The following EIF2B3 variants were observed in gnomAD, a reference collection of about 807,000 sequenced individuals.
The protein encoded by EIF2B3 is translation initiation factor eIF2B subunit gamma.
Under a neutral mutation model 54.1 loss-of-function variants are expected in EIF2B3, and 20 were observed. The ratio of observed to expected loss-of-function variants is 0.37; its 90% CI spans 0.26 to 0.54. The LOEUF is 0.54. EIF2B3 is among the 20% of genes least tolerant of loss of function. EIF2B3 has a pLI of 0.86. For missense variants in EIF2B3, 448 were observed against 547.8 expected, an observed-to-expected ratio of 0.82 and a Z score of 1.82; for synonymous variants, 153 against 188.1, an observed-to-expected ratio of 0.81 and a Z score of 1.52.
chr1:44,861,792 G>A (rs1015342326), intron 10 of EIF2B3, among the ~76,000 whole-genome samples: 1 of 152,180 alleles, frequency 6.6e-6, no homozygotes, highest in Non-Finnish European at 1.5e-5. Flanking sequence ...CCTGGTAAGT[G>A]GATCTGTGGA....
chr1:44,981,954 A>C (rs1263485763), intron 1 of EIF2B3, among the ~76,000 whole-genome samples: 1 of 151,538 alleles, frequency 6.6e-6, no homozygotes, highest in Non-Finnish European at 1.5e-5. Flanking sequence ...AAAAAAAAAA[A>C]AAAAAAAGAG....
intron 5 of EIF2B3, among the ~76,000 whole-genome samples, chr1:44,908,520 A>G (rs1048162506): frequency 6.6e-6 from 1 of 152,250 alleles, no homozygotes; most frequent in South Asian, 2.1e-4. Flanking sequence ...AGACATTACA[A>G]GGAATGCAGA....
At chr1:44,887,320 G>C (rs372767672) in intron 6 of EIF2B3, among the ~76,000 whole-genome samples, 1 of 152,118 alleles carries the variant, frequency 6.6e-6, no homozygotes, top group Admixed American at 6.5e-5. Context: ...AAATTCACAG[G>C]GATGTTTGTG....
At chr1:44,898,813 C>T (rs1184742705) in intron 5 of EIF2B3, among the ~76,000 whole-genome samples, 1 of 152,182 alleles carries the variant, frequency 6.6e-6, no homozygotes, top group Non-Finnish European at 1.5e-5. Context: ...CTGCCTCAGC[C>T]TCCTGTAGCT....
chr1:44,926,867 G>T lies in EIF2B3; in HGVS notation c.455-128C>A, dbSNP rs529567664. 3.6e-6 allele frequency: 3 copies of T among 833,026 alleles called. No individual in the cohort carries two copies. The South Asian group carries it at 4.5e-5, about 13-fold the overall frequency. 51.6% of individuals were successfully genotyped at this position (833,026 alleles called of 1,614,324 possible). A position where few individuals can be genotyped will look rare whatever the true frequency, so the allele number is the denominator to read the frequency against. ...ACAGGATTGAAGGGTGGGTGCAGTGGCTCACGCCTGTAATCCCAAGACTTT... is the reference window on the plus strand; with the variant it reads ...ACAGGATTGAAGGGTGGGTGCAGTGTCTCACGCCTGTAATCCCAAGACTTT... On this transcript the variant is annotated intron_variant, in intron 4 of 11. Coordinates refer to ENST00000360403, the MANE Select transcript of EIF2B3 (RefSeq NM_020365.5).
At chr1:44,938,371 G>A (rs1643980330) in intron 4 of EIF2B3, among the ~76,000 whole-genome samples, 1 of 151,540 alleles carries the variant, frequency 6.6e-6, no homozygotes, top group Non-Finnish European at 1.5e-5. Flanking sequence ...AACTTGACAG[G>A]AGTGATGGCT....
intron 8 of EIF2B3, among the ~76,000 whole-genome samples, chr1:44,876,845 G>C (rs1655177555): frequency 7.0e-6 from 1 of 143,164 alleles, no homozygotes; most frequent in Non-Finnish European, 1.5e-5. Context: ...ATTTTGTTCT[G>C]TACTAAGAAA....
intron 3 of EIF2B3, among the ~76,000 whole-genome samples, chr1:44,956,363 G>A (rs1159521254): frequency 6.6e-6 from 1 of 150,456 alleles, no homozygotes; most frequent in African/African-American, 2.5e-5. Flanking sequence ...AGGGCCTGTC[G>A]GGGGGTGGGG....
At chr1:44,867,292 C>T (rs922144141) in intron 10 of EIF2B3, among the ~76,000 whole-genome samples, 1 of 152,096 alleles carries the variant, frequency 6.6e-6, no homozygotes, top group Non-Finnish European at 1.5e-5. Context: ...CAAGCTTTGA[C>T]AATGAAGTGT....
chr1:44,901,550 CT>C (rs36059931), intron 5 of EIF2B3, among the ~76,000 whole-genome samples: 5,458 of 111,596 alleles, frequency 0.049, 332 homozygotes, highest in African/African-American at 0.19. Context: ...TGGGCCTGGC[CT>C]TTTTTTTTTT....
chr1:44,958,298 T>C (rs1644248809), intron 3 of EIF2B3, among the ~76,000 whole-genome samples: 1 of 152,210 alleles, frequency 6.6e-6, no homozygotes. Context: ...TTGATCAAGA[T>C]ACGCTGCCTT....
intron 6 of EIF2B3, among the ~76,000 whole-genome samples, chr1:44,884,414 T>C (rs1655511962): frequency 6.6e-6 from 1 of 151,846 alleles, no homozygotes; most frequent in African/African-American, 2.4e-5. Flanking sequence ...GGAGTGTAGG[T>C]AGAAAGGAAG....
At chr1:44,980,969 T>A (rs992562677) in intron 2 of EIF2B3, 52 bp downstream of exon 2, 44 of 1,608,998 alleles carry the variant, frequency 2.7e-5, no homozygotes, top group Middle Eastern at 1.6e-4. Context: ...ATCATGGGGA[T>A]CAAATCTCCT....
intron 8 of EIF2B3, among the ~76,000 whole-genome samples, chr1:44,877,987 C>T (rs914504592): frequency 2.6e-5 from 4 of 152,184 alleles, no homozygotes; most frequent in African/African-American, 9.7e-5. Flanking sequence ...CATGCTCACT[C>T]GAGAGCAGGG....
At chr1:44,957,287 C>A (rs1002390419) in intron 3 of EIF2B3, among the ~76,000 whole-genome samples, 1 of 152,078 alleles carries the variant, frequency 6.6e-6, no homozygotes, top group Non-Finnish European at 1.5e-5. Flanking sequence ...CCAAACACCA[C>A]AAAGTCAAAA....
intron 6 of EIF2B3, among the ~76,000 whole-genome samples, chr1:44,884,540 G>A (rs562145470): frequency 2.0e-5 from 3 of 152,354 alleles, no homozygotes; most frequent in South Asian, 2.1e-4. Flanking sequence ...GTGTTAAGCT[G>A]TGAGCTCTTG....
chr1:44,886,735 A>G (rs1312753989), intron 6 of EIF2B3, among the ~76,000 whole-genome samples: 1 of 152,214 alleles, frequency 6.6e-6, no homozygotes, highest in Non-Finnish European at 1.5e-5. Flanking sequence ...GCTGTAACCA[A>G]TCCAGTTGTT....
intron 3 of EIF2B3, among the ~76,000 whole-genome samples, chr1:44,961,316 CA>C (rs752610849): frequency 0.062 from 5,025 of 81,616 alleles, 243 homozygotes; most frequent in African/African-American, 0.21. Context: ...GACCCTGTCT[CA>C]AAAAAAAAAA....
chr1:44,969,584 T>C (rs1175306486), intron 3 of EIF2B3, among the ~76,000 whole-genome samples: 1 of 152,144 alleles, frequency 6.6e-6, no homozygotes, highest in Non-Finnish European at 1.5e-5. Flanking sequence ...CTAAAATATT[T>C]ACAGATAAAA....
Sources: gnomAD v4.1 joint callset for allele counts (sites outside exome capture counted in the v4.1 genomes callset) on GRCh38, gnomAD v4.1.1 for gene constraint, MANE v1.5 for transcripts, NCBI Gene and HGNC (gene_info 2026-07-23, HGNC 2026-07-21) for gene names.